ZNF701: variants seen among roughly 807,000 people sequenced by gnomAD.
ZNF701 encodes the protein zinc finger protein 701.
ZNF701 carries 6 observed loss-of-function variants against 7.1 expected under a neutral mutation model. The observed-to-expected ratio is 0.84, with a 90% CI of 0.46 to 1.66. ZNF701 has a LOEUF of 1.66. ZNF701 is among the 40% of genes most tolerant of loss of function. ZNF701 has a pLI of 0.01. For synonymous variants in ZNF701, 166 were observed against 188.2 expected (o/e 0.88, Z 0.97); for missense variants, 541 against 559.2 (o/e 0.97, Z 0.33).
At position 52,574,131 on chromosome 19, in the gene ZNF701, A is replaced by T. The variant is rs1311951226; in HGVS notation, c.-17A>T. 11 of 1,612,336 alleles carry T rather than the reference A, an allele frequency of 6.8e-6. 1 individual carries two copies. The East Asian group carries it at 2.5e-4, about 36-fold the overall frequency. ...GAAAAAACACGGAAGAGGAAGAGGA[A>T]AGCAAAGGAGTCAGGGATGGCTCTT... On this transcript the variant is annotated 5_prime_UTR_variant, in exon 2 of 4. Transcript: ENST00000391785.
intron 3 of ZNF701, among the ~76,000 whole-genome samples, chr19:52,576,605 T>A (rs983601333): frequency 2.0e-5 from 3 of 146,440 alleles, no homozygotes; most frequent in African/African-American, 5.6e-5. Flanking sequence ...TTGCTTTTCC[T>A]GTGCTTTCGA....
chr19:52,586,384 G>A lies in ZNF701; in HGVS notation c.*2927G>A, dbSNP rs569110025. On this transcript the variant is annotated 3_prime_UTR_variant, in exon 4 of 4. Transcript: ENST00000391785. ...AAAAAAATGTATATGTAGACTGAAC[G>A]CGGTGGCTCATGCCTGTCATCCCAG... The A allele has an allele frequency of 1.3e-4, 20 of 151,896 alleles. No individual in the cohort carries two copies. The highest frequency in any genetic ancestry group is 4.8e-4 in the African/African-American group (20 of 41,434). The allele number at this position is 151,896 out of a possible 1,614,324, so 9.4% of individuals were successfully genotyped here.
rs1288822039 is a variant in ZNF701 at position 52,585,059 on chromosome 19, CAG to C, written c.*1605_*1606del. ...AAATTCCGGCCCCTCTTTCTCAACT[CAG>C]AGCAAATTGAGACGTCCGGGTGGGA... On this transcript the variant is annotated 3_prime_UTR_variant, in exon 4 of 4. Coordinates refer to ENST00000391785, the MANE Select transcript of ZNF701 (RefSeq NM_018260.3). 22 of 152,236 alleles carry C rather than the reference CAG, an allele frequency of 1.4e-4. No individual in the cohort carries two copies. Among genetic ancestry groups the C allele is most frequent in the African/African-American group, 5.3e-4 (22 of 41,460 alleles). 9.4% of individuals were successfully genotyped at this position (152,236 alleles called of 1,614,324 possible). A position where few individuals can be genotyped will look rare whatever the true frequency, so the allele number is the denominator to read the frequency against.
At chr19:52,592,667 G>T in the ZNF701 span, among the ~76,000 whole-genome samples, 1 of 152,178 alleles carries the variant, frequency 6.6e-6, no homozygotes, top group African/African-American at 2.4e-5. Flanking sequence ...TCAGCTCATT[G>T]CAACCTCCAC....
At chr19:52,596,289 G>A in the ZNF701 span, 6 of 425,654 alleles carry the variant, frequency 1.4e-5, no homozygotes, top group Admixed American at 6.6e-5. Context: ...CCTTACAAGT[G>A]TAATGAGTGT....
chr19:52,582,613 A>G lies in ZNF701; in HGVS notation c.554A>G (p.Lys185Arg), dbSNP rs2059982817. The change falls in exon 4 of 4, where the codon AAA becomes AGA. Residue 185 changes from lysine (K) to arginine (R), a missense_variant. By Grantham distance (26) the Lys-to-Arg change is conservative (BLOSUM62 2). Coordinates refer to ENST00000391785, the MANE Select transcript of ZNF701 (RefSeq NM_018260.3). ...TCCCAACGAATTTCCTGTAGGCCAA[A>G]AACTCGTATTTCTAATAAGTATAGG... is the stretch of plus-strand genomic sequence containing the variant. ...SASQRISCRP[K>R]TRISNKYRNN... The G allele has an allele frequency of 6.2e-7, 1 of 1,614,056 alleles. No homozygotes were observed. Among genetic ancestry groups the G allele is most frequent in the Non-Finnish European group, 8.5e-7 (1 of 1,180,040 alleles).
Position 52,585,520 on chromosome 19 carries a change from T to C in ZNF701, c.*2063T>C, listed in dbSNP as rs1045348711. The C allele has an allele frequency of 8.0e-5, 12 of 150,830 alleles. No individual in the cohort carries two copies. The highest frequency in any genetic ancestry group is 7.9e-4 in the Admixed American group (12 of 15,136). 9.3% of individuals were successfully genotyped at this position (150,830 alleles called of 1,614,324 possible). A position where few individuals can be genotyped will look rare whatever the true frequency, so the allele number is the denominator to read the frequency against. Reference sequence around the variant, plus strand: ...GAAGGCAGGCCTGGAATGTGAAGTTTCCAGGTAGATGGATATTAAACATAG... The same window carrying C: ...GAAGGCAGGCCTGGAATGTGAAGTTCCCAGGTAGATGGATATTAAACATAG... On this transcript the variant is annotated 3_prime_UTR_variant, in exon 4 of 4. Coordinates refer to ENST00000391785, the MANE Select transcript of ZNF701 (RefSeq NM_018260.3).
the ZNF701 span, chr19:52,594,414 ACTC>A: frequency 6.6e-6 from 1 of 151,280 alleles, no homozygotes; most frequent in African/African-American, 2.4e-5. Flanking sequence ...CTGGTCTTGA[ACTC>A]CTGGTCTCAA....
chr19:52,587,253 T>G (rs1270624584), downstream of ZNF701: 1 of 152,220 alleles, frequency 6.6e-6, no homozygotes, highest in African/African-American at 2.4e-5. Context: ...TCCAAATTTA[T>G]TTTGAGGTGT....
chr19:52,572,691 C>T (rs2059908768), intron 1 of ZNF701: 3 of 347,124 alleles, frequency 8.6e-6, no homozygotes, highest in Non-Finnish European at 1.7e-5. Flanking sequence ...CAGTCCCTGG[C>T]AGGGAACCCT....
At chr19:52,592,281 T>A in the ZNF701 span, 1 of 1,493,998 alleles carries the variant, frequency 6.7e-7, no homozygotes. Flanking sequence ...CTATCTTGGC[T>A]CTTCCTGGTT....
At chr19:52,571,270 A>G (rs1200083323) in intron 1 of ZNF701, among the ~76,000 whole-genome samples, 1 of 151,798 alleles carries the variant, frequency 6.6e-6, no homozygotes, top group East Asian at 1.9e-4. Context: ...ATTTGGAGCC[A>G]GGGCAGACAG....
the ZNF701 span, chr19:52,595,741 A>G: frequency 6.3e-7 from 1 of 1,580,260 alleles, no homozygotes; most frequent in Non-Finnish European, 8.7e-7. Context: ...GCTTCCCAGA[A>G]ATCAAGAAAG....
rs1435065646 is a variant in ZNF701 at position 52,585,755 on chromosome 19, C to G, written c.*2298C>G. The G allele has an allele frequency of 7.4e-6, 1 of 135,736 alleles. No homozygotes were observed. The highest frequency in any genetic ancestry group is 1.7e-5 in the Non-Finnish European group (1 of 58,162). 8.4% of individuals were successfully genotyped at this position (135,736 alleles called of 1,614,324 possible). A position where few individuals can be genotyped will look rare whatever the true frequency, so the allele number is the denominator to read the frequency against. ...CTGGATGAAGAATTTGGCCCTTGGC[C>G]AAGGAAATAACTGAGGTAAATTGGC... On this transcript the variant is annotated 3_prime_UTR_variant, in exon 4 of 4. Transcript: ENST00000391785.
At position 52,582,597 on chromosome 19, in the gene ZNF701, A is replaced by C; in HGVS notation, c.538A>C (p.Ile180Leu). 1 of 1,614,188 alleles carries C rather than the reference A, an allele frequency of 6.2e-7. No homozygotes were observed. Among genetic ancestry groups the C allele is most frequent in the Non-Finnish European group, 8.5e-7 (1 of 1,180,040 alleles). Residue 180 changes from isoleucine to leucine, a missense_variant, in exon 4 of 4, where the codon ATT becomes CTT. By Grantham distance (5) the Ile-to-Leu change is conservative. Transcript: ENST00000391785. ...TTTCTCAGTTTCAGCATCCCAACGAATTTCCTGTAGGCCAAAAACTCGTAT... is the reference window on the plus strand; with the variant it reads ...TTTCTCAGTTTCAGCATCCCAACGACTTTCCTGTAGGCCAAAAACTCGTAT... ...DAFSVSASQR[I>L]SCRPKTRISN...
chr19:52,587,551 C>A (rs2060019583), downstream of ZNF701, among the ~76,000 whole-genome samples: 3 of 152,318 alleles, frequency 2.0e-5, no homozygotes, highest in Middle Eastern at 0.01. Flanking sequence ...CACAGCCCCC[C>A]ACTTGACATT....
At chr19:52,576,125 G>A (rs2059932842) in intron 3 of ZNF701, 104 bp downstream of exon 3, 1 of 1,588,572 alleles carries the variant, frequency 6.3e-7, no homozygotes, top group Admixed American at 1.9e-5. Flanking sequence ...TAAAATGGAA[G>A]CCGTATTGAG....
chr19:52,587,900 G>A (rs1316889061), downstream of ZNF701, among the ~76,000 whole-genome samples: 2 of 152,190 alleles, frequency 1.3e-5, no homozygotes, highest in Non-Finnish European at 2.9e-5. Flanking sequence ...ATTGAGAACT[G>A]AGATCAGCCT....
At chr19:52,597,203 T>G in the ZNF701 span, 1 of 560,922 alleles carries the variant, frequency 1.8e-6, no homozygotes. Flanking sequence ...AGGTCTTCAG[T>G]CAAGCTTCAT....
Sources: allele counts gnomAD v4.1 joint callset (sites outside exome capture counted in the v4.1 genomes callset), GRCh38; gene constraint gnomAD v4.1.1; transcripts MANE v1.5; gene names NCBI Gene and HGNC (gene_info 2026-07-23, HGNC 2026-07-21).